Variants in FARP1 observed in about 807,000 individuals in gnomAD.
The protein encoded by FARP1 is FERM, ARH/RhoGEF and pleckstrin domain protein 1, also known as FERM, ARHGEF and pleckstrin domain-containing protein 1.
FARP1 carries 52 observed loss-of-function variants against 128.8 expected under a neutral mutation model. The ratio of observed to expected loss-of-function variants is 0.40; its 90% CI spans 0.32 to 0.51. The LOEUF (loss-of-function observed/expected upper bound fraction) is 0.51, where lower values mean the gene tolerates loss of function less well. FARP1 is among the 20% of genes least tolerant of loss of function. The pLI is 0.45. For missense variants in FARP1, 1,333 were observed against 1,367.9 expected (o/e 0.97, Z 0.40); for synonymous variants, 580 against 551.8 (o/e 1.05, Z -0.72).
At chr13:98,288,641 T>G (rs1400460763) in intron 2 of FARP1, among the ~76,000 whole-genome samples, 2 of 152,206 alleles carry the variant, frequency 1.3e-5, no homozygotes, top group Non-Finnish European at 2.9e-5. Context: ...TTATCCTTAG[T>G]GTCTGTCTTA....
At chr13:98,366,576 C>A (rs1889095282) in intron 4 of FARP1, among the ~76,000 whole-genome samples, 1 of 152,246 alleles carries the variant, frequency 6.6e-6, no homozygotes, top group African/African-American at 2.4e-5. Flanking sequence ...ACAGAGTTGA[C>A]TCTGGTTGGG....
At chr13:98,325,770 G>A (rs569296066) in intron 2 of FARP1, among the ~76,000 whole-genome samples, 1 of 152,352 alleles carries the variant, frequency 6.6e-6, no homozygotes, top group Admixed American at 6.5e-5. Flanking sequence ...TCATAAGAAA[G>A]TCTTTGTGGC....
At position 98,454,163 on chromosome 13, in the gene FARP1, G is replaced by C. The variant is rs925649828; in HGVS notation, c.*5846G>C. 7.9e-5 allele frequency: 12 copies of C among 152,332 alleles called. No individual in the cohort carries two copies. The highest frequency in any genetic ancestry group is 2.9e-4 in the African/African-American group (12 of 41,564). The allele number at this position is 152,332 out of a possible 1,614,324, so 9.4% of individuals were successfully genotyped here. A position where few individuals can be genotyped will look rare whatever the true frequency, so the allele number is the denominator to read the frequency against. On this transcript the variant is annotated 3_prime_UTR_variant, in exon 27 of 27. Coordinates refer to ENST00000319562, the MANE Select transcript of FARP1 (RefSeq NM_005766.4). ...ACTATAAGGTAGATAAGAGAATTCA[G>C]TAAGTTTATGACCTGGTATGACAAC...
chr13:98,446,747 T>C lies in FARP1; in HGVS notation c.2986T>C (p.Tyr996His). 6.2e-7 allele frequency: 1 copy of C among 1,614,168 alleles called. No homozygotes were observed. The highest frequency in any genetic ancestry group is 8.5e-7 in the Non-Finnish European group (1 of 1,180,024). The change falls in exon 26 of 27, where the codon TAC (tyrosine) becomes CAC (histidine). Residue 996 changes from tyrosine (Y) to histidine (H), a missense_variant. By Grantham distance (83) the Tyr-to-His change is moderately conservative. Around this residue, in one of 2 missense-constraint regions of FARP1, gnomAD observed 1,009 missense variants for 969.8 expected, o/e 1.04. Coordinates refer to ENST00000319562, the MANE Select transcript of FARP1 (RefSeq NM_005766.4). ...PSESENIQKDYVFKLHFKSHV... is the reference protein window; with the variant it reads ...PSESENIQKDHVFKLHFKSHV... Reference sequence around the variant, plus strand: ...TGAGTCCGAGAACATCCAGAAAGACTACGTGTTCAAGCTGCACTTCAAGTC... The same window carrying C: ...TGAGTCCGAGAACATCCAGAAAGACCACGTGTTCAAGCTGCACTTCAAGTC...
At chr13:98,272,458 G>A (rs1286751069) in intron 2 of FARP1, among the ~76,000 whole-genome samples, 1 of 152,200 alleles carries the variant, frequency 6.6e-6, no homozygotes, top group African/African-American at 2.4e-5. Flanking sequence ...GAACCCGTTC[G>A]TGAAATGCAT....
Position 98,448,857 on chromosome 13 carries a change from A to G in FARP1, c.*540A>G, listed in dbSNP as rs1348357570. ...TAATAATAGGAAGTTAGTAGGACTC[A>G]CTTCTCTGATTAATAAGCAATTTGC... On this transcript the variant is annotated 3_prime_UTR_variant, in exon 27 of 27. Transcript: ENST00000319562. 1 of 152,134 alleles carries G rather than the reference A, an allele frequency of 6.6e-6. No individual in the cohort carries two copies. The highest frequency in any genetic ancestry group is 1.5e-5 in the Non-Finnish European group (1 of 68,236). 9.4% of individuals were successfully genotyped at this position (152,134 alleles called of 1,614,324 possible).
intron 2 of FARP1, among the ~76,000 whole-genome samples, chr13:98,315,138 G>A (rs1248637893): frequency 6.6e-6 from 1 of 152,174 alleles, no homozygotes; most frequent in Non-Finnish European, 1.5e-5. Context: ...TTGTTCATTT[G>A]TTTGTTTTTT....
intron 2 of FARP1, among the ~76,000 whole-genome samples, chr13:98,229,669 AT>A (rs1291224069): frequency 9.2e-5 from 13 of 141,534 alleles, no homozygotes; most frequent in Admixed American, 7.7e-4. Context: ...TTAGATGATT[AT>A]TATATACTTT....
At chr13:98,436,275 A>G (rs969964036) in intron 19 of FARP1, among the ~76,000 whole-genome samples, 2 of 151,978 alleles carry the variant, frequency 1.3e-5, no homozygotes, top group African/African-American at 4.8e-5. Flanking sequence ...GGTGATTCCT[A>G]CTCAACAGGG....
intron 2 of FARP1, chr13:98,340,920 A>G (rs1033378454): frequency 2.0e-5 from 3 of 152,080 alleles, no homozygotes; most frequent in Non-Finnish European, 4.4e-5. Flanking sequence ...CTCCTGACCC[A>G]TTTCCTCTGG....
chr13:98,418,105 A>C (rs9556953), intron 16 of FARP1, among the ~76,000 whole-genome samples: 17,556 of 152,210 alleles, frequency 0.12, 1,489 homozygotes, highest in East Asian at 0.3. Context: ...GCTGGAATGC[A>C]GTGGTATGAT....
chr13:98,156,962 C>T (rs1051656882), intron 1 of FARP1, among the ~76,000 whole-genome samples: 2 of 152,052 alleles, frequency 1.3e-5, no homozygotes, highest in African/African-American at 4.8e-5. Flanking sequence ...TCATTAATAC[C>T]CCCAAATAAG....
intron 16 of FARP1, among the ~76,000 whole-genome samples, chr13:98,423,234 A>G (rs1033402372): frequency 2.5e-4 from 38 of 152,196 alleles, no homozygotes; most frequent in Admixed American, 3.9e-4. Flanking sequence ...TCTTTTGGCA[A>G]CACCATCACA....
At chr13:98,410,896 G>A (rs962558143) in intron 15 of FARP1, 73 bp downstream of exon 15, 1 of 720,936 alleles carries the variant, frequency 1.4e-6, no homozygotes, top group Non-Finnish European at 2.4e-6. Context: ...ATACGGGGAG[G>A]CTGGAGCTAA....
chr13:98,239,754 C>G (rs944094), intron 2 of FARP1, among the ~76,000 whole-genome samples: 54,709 of 151,440 alleles, frequency 0.36, 10,647 homozygotes, highest in East Asian at 0.62. Flanking sequence ...AGGAGATGAG[C>G]GGGGAGGGGG....
intron 19 of FARP1, 29 bp downstream of exon 19, chr13:98,435,735 G>A (rs1472855797): frequency 1.2e-6 from 2 of 1,612,226 alleles, no homozygotes; most frequent in South Asian, 2.2e-5. Context: ...ACTATGCACT[G>A]CGCGGGGAGC....
In FARP1 at chr13:98,390,831, G is replaced by T; in HGVS notation, c.1039G>T (p.Val347Phe). The change falls in exon 11 of 27, where the codon GTT becomes TTT. Residue 347 changes from valine to phenylalanine, a missense_variant. Physicochemically the swap from Val to Phe is conservative, Grantham distance 50 (BLOSUM62 -1). Coordinates refer to ENST00000319562, the MANE Select transcript of FARP1 (RefSeq NM_005766.4). ...TTTCAGTGGTCGGACTCAGAAGCAG[G>T]TTCTCGACTATGTTAAAGAAGGAGG... is the stretch of plus-strand genomic sequence containing the variant. ...FRFSGRTQKQ[V>F]LDYVKEGGHK... 6.2e-7 allele frequency: 1 copy of T among 1,613,688 alleles called. No individual in the cohort carries two copies. The highest frequency in any genetic ancestry group is 8.5e-7 in the Non-Finnish European group (1 of 1,179,700).
At position 98,448,397 on chromosome 13, in the gene FARP1, A is replaced by AATT; in HGVS notation, c.*82_*84dup. 1 of 1,118,228 alleles carries AATT rather than the reference A, an allele frequency of 8.9e-7. No homozygotes were observed. The highest frequency in any genetic ancestry group is 1.4e-6 in the Non-Finnish European group (1 of 733,978). 69.3% of individuals were successfully genotyped at this position (1,118,228 alleles called of 1,614,324 possible). A position where few individuals can be genotyped will look rare whatever the true frequency, so the allele number is the denominator to read the frequency against. ...CTTCTGTATTAATGAAGCCTGGTAA[A>AATT]ATTAACACCTGTCTGAAAATCAAAA... On this transcript the variant is annotated 3_prime_UTR_variant, in exon 27 of 27. Coordinates refer to ENST00000319562, the MANE Select transcript of FARP1 (RefSeq NM_005766.4).
intron 2 of FARP1, among the ~76,000 whole-genome samples, chr13:98,239,887 G>A (rs1809186222): frequency 6.6e-6 from 1 of 152,136 alleles, no homozygotes; most frequent in Non-Finnish European, 1.5e-5. Context: ...GGCTGCTATT[G>A]TTTGCCTCCC....
Sources: allele counts gnomAD v4.1 joint callset (sites outside exome capture counted in the v4.1 genomes callset), GRCh38; gene constraint gnomAD v4.1.1; regional missense constraint gnomAD v4.1.1; transcripts MANE v1.5; gene names NCBI Gene and HGNC (gene_info 2026-07-23, HGNC 2026-07-21).